The following PPFIA2 variants were observed in gnomAD, a reference collection of about 807,000 sequenced individuals.
PPFIA2 encodes PPFI scaffold protein A2.
PPFIA2 carries 46 observed loss-of-function variants against 175.5 expected under a neutral mutation model. The ratio of observed to expected loss-of-function variants is 0.26; its 90% CI spans 0.21 to 0.34. PPFIA2 has a LOEUF of 0.34. PPFIA2 is among the 10% of genes least tolerant of loss of function. The probability of loss-of-function intolerance (pLI) is 1.00; values close to 1 mark genes in which losing one functional copy is unlikely to be tolerated. For missense variants in PPFIA2, 1,179 were observed against 1,506.1 expected (o/e 0.78, Z 3.60); for synonymous variants, 568 against 511.4 (o/e 1.11, Z -1.49).
intron 3 of PPFIA2, among the ~76,000 whole-genome samples, chr12:81,703,696 C>A (rs2076768791): frequency 6.6e-6 from 1 of 152,068 alleles, no homozygotes; most frequent in Non-Finnish European, 1.5e-5. Flanking sequence ...TAATCCCGTG[C>A]CTTGGCTACA....
intron 3 of PPFIA2, among the ~76,000 whole-genome samples, chr12:81,752,523 T>G (rs1398620399): frequency 1.3e-5 from 2 of 152,148 alleles, no homozygotes; most frequent in Non-Finnish European, 2.9e-5. Flanking sequence ...TGAGAGTTAT[T>G]AAAAACATTA....
intron 4 of PPFIA2, among the ~76,000 whole-genome samples, chr12:81,582,265 G>C (rs964077563): frequency 6.6e-6 from 1 of 151,824 alleles, no homozygotes; most frequent in Non-Finnish European, 1.5e-5. Flanking sequence ...TGAATAGATG[G>C]AATTGAGTTT....
chr12:81,438,655 A>G (rs2049553364), intron 7 of PPFIA2, among the ~76,000 whole-genome samples: 1 of 152,072 alleles, frequency 6.6e-6, no homozygotes, highest in African/African-American at 2.4e-5. Flanking sequence ...TATTTTTATA[A>G]ATCTATTTAT....
At chr12:81,667,607 C>T (rs1163673616) in intron 4 of PPFIA2, among the ~76,000 whole-genome samples, 3 of 152,008 alleles carry the variant, frequency 2.0e-5, no homozygotes, top group Non-Finnish European at 2.9e-5. Context: ...AGTAACAGAT[C>T]CCAAATAAAT....
At chr12:81,261,619 C>T (rs1317449529) in intron 32 of PPFIA2, among the ~76,000 whole-genome samples, 1 of 152,068 alleles carries the variant, frequency 6.6e-6, no homozygotes, top group Non-Finnish European at 1.5e-5. Context: ...TTTTAAAGTG[C>T]TGAATTATTA....
intron 4 of PPFIA2, among the ~76,000 whole-genome samples, chr12:81,487,935 T>G (rs974892690): frequency 6.6e-6 from 1 of 152,074 alleles, no homozygotes; most frequent in Non-Finnish European, 1.5e-5. Context: ...GATTTTATGT[T>G]TAACATCTGC....
intron 24 of PPFIA2, among the ~76,000 whole-genome samples, chr12:81,285,216 C>CA: frequency 6.6e-6 from 1 of 152,188 alleles, no homozygotes; most frequent in East Asian, 1.9e-4. Flanking sequence ...CCCTGGAAAC[C>CA]ACTTGCCATC....
intron 4 of PPFIA2, among the ~76,000 whole-genome samples, chr12:81,490,268 T>A (rs2059287047): frequency 6.6e-6 from 1 of 151,886 alleles, no homozygotes; most frequent in Non-Finnish European, 1.5e-5. Flanking sequence ...GAATATTGCT[T>A]TGTAGGATAT....
Position 81,754,074 on chromosome 12 carries a change from G to A in PPFIA2, c.148C>T (p.Arg50Trp). The A allele has an allele frequency of 1.2e-6, 2 of 1,613,818 alleles. No individual in the cohort carries two copies. Among genetic ancestry groups the A allele is most frequent in the African/African-American group, 1.3e-5 (1 of 75,032 alleles). Residue 50 changes from arginine to tryptophan, a missense_variant, in exon 3 of 33, where the codon CGG becomes TGG. By Grantham distance (101) the Arg-to-Trp change is moderately radical (BLOSUM62 -3). Around this residue, in one of 10 missense-constraint regions of PPFIA2, gnomAD observed 128 missense variants for 141.4 expected, o/e 0.91. Transcript: ENST00000549396. Reference sequence around the variant, plus strand: ...AGTGAGAGGCTTTCCTGGGTCTCCCGAAGGGTGTCTAGAAGACGATCCCTT... The same window carrying A: ...AGTGAGAGGCTTTCCTGGGTCTCCCAAAGGGTGTCTAGAAGACGATCCCTT... ...DERDRLLDTLRETQESLSLAQ... is the reference protein window; with the variant it reads ...DERDRLLDTLWETQESLSLAQ...
chr12:81,368,982 A>G (rs1026695075), intron 12 of PPFIA2, 126 bp from the exon 13 acceptor site: 1 of 1,313,932 alleles, frequency 7.6e-7, no homozygotes, highest in Non-Finnish European at 1.0e-6. Flanking sequence ...GAAACATTTT[A>G]TTCAAGTCAA....
At chr12:81,404,019 T>C (rs1453779730) in intron 8 of PPFIA2, among the ~76,000 whole-genome samples, 1 of 152,158 alleles carries the variant, frequency 6.6e-6, no homozygotes, top group African/African-American at 2.4e-5. Flanking sequence ...CTTTGCCTCA[T>C]GCCCCACAGT....
intron 4 of PPFIA2, among the ~76,000 whole-genome samples, chr12:81,495,346 A>T (rs973837679): frequency 1.1e-4 from 16 of 151,348 alleles, no homozygotes; most frequent in South Asian, 2.1e-4. Flanking sequence ...TTACATGAAT[A>T]AAAAAAACAT....
chr12:81,265,208 G>A (rs1313918016), intron 30 of PPFIA2, among the ~76,000 whole-genome samples: 3 of 146,054 alleles, frequency 2.1e-5, no homozygotes, highest in South Asian at 2.2e-4. Flanking sequence ...TGGGAGAATC[G>A]CTGGAACCCA....
chr12:81,597,360 C>T (rs2059359313), intron 4 of PPFIA2, among the ~76,000 whole-genome samples: 1 of 151,914 alleles, frequency 6.6e-6, no homozygotes, highest in Non-Finnish European at 1.5e-5. Flanking sequence ...ATCATTTTGA[C>T]TTTTCGATAA....
intron 4 of PPFIA2, among the ~76,000 whole-genome samples, chr12:81,659,423 G>A (rs533387043): frequency 2.2e-4 from 33 of 152,258 alleles, no homozygotes; most frequent in African/African-American, 5.3e-4. Flanking sequence ...CACCTGGCTC[G>A]AAGGGTTCTA....
At chr12:81,330,462 A>C (rs1015778149) in intron 21 of PPFIA2, among the ~76,000 whole-genome samples, 2 of 152,152 alleles carry the variant, frequency 1.3e-5, no homozygotes, top group Non-Finnish European at 2.9e-5. Flanking sequence ...TGACATACAT[A>C]TTCTTATCAC....
intron 24 of PPFIA2, among the ~76,000 whole-genome samples, chr12:81,292,117 A>G (rs1239103933): frequency 2.6e-5 from 4 of 152,104 alleles, no homozygotes; most frequent in Non-Finnish European, 4.4e-5. Flanking sequence ...AATAAAATGT[A>G]TCATATTTTT....
At chr12:81,482,323 A>C (rs964665418) in intron 4 of PPFIA2, among the ~76,000 whole-genome samples, 51 of 152,252 alleles carry the variant, frequency 3.3e-4, no homozygotes, top group African/African-American at 1.1e-3. Context: ...TGTGGAAGAC[A>C]GTGTGGCAAT....
intron 4 of PPFIA2, among the ~76,000 whole-genome samples, chr12:81,673,779 C>T (rs1184711168): frequency 6.6e-6 from 1 of 151,902 alleles, no homozygotes; most frequent in East Asian, 1.9e-4. Flanking sequence ...TTTGCTGCTA[C>T]AATTAATTTA....
Sources: gnomAD v4.1 joint callset for allele counts (sites outside exome capture counted in the v4.1 genomes callset) on GRCh38, gnomAD v4.1.1 for gene constraint, gnomAD v4.1.1 regional missense constraint, MANE v1.5 for transcripts, NCBI Gene and HGNC (gene_info 2026-07-23, HGNC 2026-07-21) for gene names.